The following TMEM132D variants were observed in gnomAD, a reference collection of about 807,000 sequenced individuals.
The protein encoded by TMEM132D is mature OL transmembrane protein.
A neutral mutation model predicts 62.3 loss-of-function variants in TMEM132D; 21 were observed. The ratio of observed to expected loss-of-function variants is 0.34; its 90% CI spans 0.24 to 0.49. TMEM132D has a LOEUF of 0.49. Among genes scored for constraint, TMEM132D ranks in the 20% least tolerant of loss-of-function variants. TMEM132D has a pLI of 0.99. For synonymous variants in TMEM132D, 621 were observed against 575.6 expected, an observed-to-expected ratio of 1.08 and a Z score of -1.13; for missense variants, 1,346 against 1,402.8, an observed-to-expected ratio of 0.96 and a Z score of 0.65.
intron 1 of TMEM132D, among the ~76,000 whole-genome samples, chr12:129,848,769 C>T (rs1182096823): frequency 1.3e-5 from 2 of 152,164 alleles, no homozygotes; most frequent in African/African-American, 4.8e-5. Flanking sequence ...CTTGGAGTCT[C>T]TTGAGTTGAA....
chr12:129,802,500 TCAC>T (rs1209898783), intron 1 of TMEM132D, among the ~76,000 whole-genome samples: 3 of 116,788 alleles, frequency 2.6e-5, no homozygotes, highest in Non-Finnish European at 5.4e-5. Flanking sequence ...AGAAATTTTG[TCAC>T]CACCAGGCCT....
chr12:129,124,039 T>C (rs1876141349), intron 5 of TMEM132D, among the ~76,000 whole-genome samples: 1 of 152,212 alleles, frequency 6.6e-6, no homozygotes, highest in Admixed American at 6.5e-5. Flanking sequence ...TCTCCCCATC[T>C]GTCTATCTAT....
At chr12:129,699,778 C>T in intron 2 of TMEM132D, 32 bp downstream of exon 2, 3 of 1,604,124 alleles carry the variant, frequency 1.9e-6, no homozygotes, top group South Asian at 1.1e-5. Flanking sequence ...GATCGACGGG[C>T]GGGTACAGAC....
intron 3 of TMEM132D, among the ~76,000 whole-genome samples, chr12:129,388,300 T>G (rs867108403): frequency 1.7e-3 from 195 of 113,172 alleles, no homozygotes; most frequent in African/African-American, 2.8e-3. Flanking sequence ...ATGATAATAT[T>G]AACACTAACA....
intron 4 of TMEM132D, among the ~76,000 whole-genome samples, chr12:129,293,825 G>A (rs1430268849): frequency 1.3e-5 from 2 of 152,122 alleles, no homozygotes; most frequent in East Asian, 1.9e-4. Flanking sequence ...ATGAAGCTTC[G>A]CTCGCTTGCC....
At chr12:129,766,497 A>C (rs1232343371) in intron 1 of TMEM132D, among the ~76,000 whole-genome samples, 1 of 152,192 alleles carries the variant, frequency 6.6e-6, no homozygotes, top group Non-Finnish European at 1.5e-5. Flanking sequence ...TCTGACACAA[A>C]TATTTTTGAG....
chr12:129,700,769 C>A (rs1276794059), intron 1 of TMEM132D, 71 bp from the exon 2 acceptor site: 2 of 1,499,160 alleles, frequency 1.3e-6, no homozygotes, highest in East Asian at 2.3e-5. Flanking sequence ...CAGACATCTG[C>A]GTGCCCCCTT....
intron 5 of TMEM132D, among the ~76,000 whole-genome samples, chr12:129,136,057 T>C (rs763766017): frequency 6.6e-5 from 10 of 152,152 alleles, no homozygotes; most frequent in Non-Finnish European, 1.2e-4. Context: ...TCATAACAGA[T>C]GGCACATTAC....
chr12:129,306,506 A>G (rs1881849268), intron 4 of TMEM132D, among the ~76,000 whole-genome samples: 1 of 152,196 alleles, frequency 6.6e-6, no homozygotes, highest in African/African-American at 2.4e-5. Context: ...TTCTCCCAGA[A>G]TGCATTCCGT....
chr12:129,507,968 A>G (rs995327789), intron 3 of TMEM132D, among the ~76,000 whole-genome samples: 2 of 152,172 alleles, frequency 1.3e-5, no homozygotes, highest in African/African-American at 4.8e-5. Context: ...TCAACTCAGC[A>G]TCATGGCCTG....
At chr12:129,453,946 G>A (rs922869211) in intron 3 of TMEM132D, among the ~76,000 whole-genome samples, 14 of 152,302 alleles carry the variant, frequency 9.2e-5, no homozygotes, top group African/African-American at 3.4e-4. Flanking sequence ...TTAACCAGAT[G>A]AACTGAGAGT....
intron 4 of TMEM132D, among the ~76,000 whole-genome samples, chr12:129,219,700 C>A (rs1879302141): frequency 6.6e-6 from 1 of 152,248 alleles, no homozygotes; most frequent in Non-Finnish European, 1.5e-5. Flanking sequence ...AGAAGTAATT[C>A]TTCTTCACTC....
Position 129,331,134 on chromosome 12 carries a change from C to T in TMEM132D, c.1299+6500G>A, listed in dbSNP as rs187790097. On this transcript the variant is annotated intron_variant, in intron 4 of 8. Transcript: ENST00000422113. ...ATGTGGCATGGGAGCTGGGCTCTAA[C>T]GAGAGAATTCTGAGATGCTTTTCCC... Among the ~76,000 whole-genome samples, 451 of 152,276 alleles carry T rather than the reference C, an allele frequency of 3.0e-3. 2 individuals are homozygous for T. The highest frequency in any genetic ancestry group is 8.7e-3 in the African/African-American group (361 of 41,556).
At chr12:129,495,776 TG>T (rs1874936366) in intron 3 of TMEM132D, among the ~76,000 whole-genome samples, 1 of 151,948 alleles carries the variant, frequency 6.6e-6, no homozygotes, top group South Asian at 2.1e-4. Flanking sequence ...CAGTGTTTCG[TG>T]GGGATGTCTC....
intron 4 of TMEM132D, among the ~76,000 whole-genome samples, chr12:129,247,882 A>G (rs1445102177): frequency 6.6e-6 from 1 of 151,072 alleles, no homozygotes; most frequent in Non-Finnish European, 1.5e-5. Flanking sequence ...TTTTTTTATA[A>G]TGATAATAAT....
At chr12:129,823,457 G>A (rs764483683) in intron 1 of TMEM132D, among the ~76,000 whole-genome samples, 34 of 152,252 alleles carry the variant, frequency 2.2e-4, no homozygotes, top group Non-Finnish European at 4.1e-4. Context: ...GTTAGGGAAT[G>A]GTGGGAGTCC....
chr12:129,720,081 G>C (rs551780214), intron 1 of TMEM132D, among the ~76,000 whole-genome samples: 1 of 152,198 alleles, frequency 6.6e-6, no homozygotes, highest in South Asian at 2.1e-4. Flanking sequence ...ATTCATGTCA[G>C]ACACACAACA....
chr12:129,694,423 G>A (rs1881145944), intron 2 of TMEM132D, among the ~76,000 whole-genome samples: 1 of 152,204 alleles, frequency 6.6e-6, no homozygotes, highest in African/African-American at 2.4e-5. Context: ...CTACAGGAGT[G>A]TTAAAGCAAA....
At chr12:129,168,419 G>A (rs1489961144) in intron 5 of TMEM132D, among the ~76,000 whole-genome samples, 1 of 152,134 alleles carries the variant, frequency 6.6e-6, no homozygotes, top group African/African-American at 2.4e-5. Context: ...CCCATTATGA[G>A]TCACTTTCAT....
Sources: gnomAD v4.1 joint callset for allele counts (sites outside exome capture counted in the v4.1 genomes callset) on GRCh38, gnomAD v4.1.1 for gene constraint, MANE v1.5 for transcripts, NCBI Gene and HGNC (gene_info 2026-07-23, HGNC 2026-07-21) for gene names.